CPZ: variants seen among roughly 807,000 people sequenced by gnomAD.
CPZ encodes the protein VEZT/CPZ fusion.
CPZ carries 103 observed loss-of-function variants against 61.8 expected under a neutral mutation model. The ratio of observed to expected loss-of-function variants is 1.67; its 90% CI spans 1.42 to 1.96. CPZ has a LOEUF of 1.96. Ranked by LOEUF, CPZ falls within the 30% of genes most tolerant of loss-of-function variation. The pLI is 0.00. For synonymous variants in CPZ, 551 were observed against 373.7 expected, an observed-to-expected ratio of 1.47 and a Z score of -5.47; for missense variants, 1,461 against 914.9, an observed-to-expected ratio of 1.60 and a Z score of -7.70.
chr4:8,618,850 A>G lies in CPZ; in HGVS notation c.1603+322A>G, dbSNP rs1031133226. 8.5e-5 allele frequency among the ~76,000 whole-genome samples: 13 copies of G among 152,274 alleles called. No individual in the cohort carries two copies. In the South Asian group the frequency reaches 2.1e-3, roughly 24 times the overall value. On this transcript the variant is annotated intron_variant, in intron 10 of 10. Coordinates refer to ENST00000360986, the MANE Select transcript of CPZ (RefSeq NM_001014447.3). ...CCCTAAGCCTGTTTGTTTCTATCCCAAAGTTCATACCCTGTTGATAGCTGG... is the reference window on the plus strand; with the variant it reads ...CCCTAAGCCTGTTTGTTTCTATCCCGAAGTTCATACCCTGTTGATAGCTGG...
At chr4:8,605,404 C>T (rs941820685) in intron 4 of CPZ, among the ~76,000 whole-genome samples, 19 of 151,246 alleles carry the variant, frequency 1.3e-4, no homozygotes, top group African/African-American at 4.4e-4. Flanking sequence ...ATTCATACAT[C>T]CATGCATCCA....
At chr4:8,593,493 C>T (rs939061180) in intron 1 of CPZ, among the ~76,000 whole-genome samples, 1 of 152,176 alleles carries the variant, frequency 6.6e-6, no homozygotes, top group Non-Finnish European at 1.5e-5. Flanking sequence ...CACGACCTCA[C>T]CCAAGGGGTG....
rs1716529789 is a variant in CPZ at position 8,619,749 on chromosome 4, C to T, written c.*132C>T. The T allele has an allele frequency of 2.7e-6, 2 of 742,400 alleles. No individual in the cohort carries two copies. The highest frequency in any genetic ancestry group is 3.6e-5 in the African/African-American group (2 of 55,784). 46.0% of individuals were successfully genotyped at this position (742,400 alleles called of 1,614,324 possible). A position where few individuals can be genotyped will look rare whatever the true frequency, so the allele number is the denominator to read the frequency against. ...CATTTTATTAAAGTGTTTTGATCCA[C>T]TTTGCACTGGAATGAGAGGATCTGT... On this transcript the variant is annotated 3_prime_UTR_variant, in exon 11 of 11. Transcript: ENST00000360986.
At chr4:8,608,600 AAGG>A (rs372047967) in intron 7 of CPZ, among the ~76,000 whole-genome samples, 179 of 150,646 alleles carry the variant, frequency 1.2e-3, no homozygotes, top group African/African-American at 4.2e-3. Flanking sequence ...AGAAACTGGC[AAGG>A]AGAAGACTGC....
chr4:8,595,651 C>A (rs1714124543), intron 1 of CPZ, among the ~76,000 whole-genome samples: 1 of 152,248 alleles, frequency 6.6e-6, no homozygotes, highest in Non-Finnish European at 1.5e-5. Flanking sequence ...CACAGCAGCA[C>A]CCACTGGGGC....
chr4:8,618,466 T>G lies in CPZ; in HGVS notation c.1541T>G (p.Phe514Cys), dbSNP rs767098162. The change falls in exon 10 of 11, where the codon TTC becomes TGC. Residue 514 changes from phenylalanine (F) to cysteine (C), a missense_variant. Transcript: ENST00000360986. ...ATCAAAGGTGTGGTGACAGATAAAT[T>G]CGGCAAGCCAGTCAAAAACGCCCGG... ...RGIKGVVTDK[F>C]GKPVKNARIS... 1 of 1,613,554 alleles carries G rather than the reference T, an allele frequency of 6.2e-7. No homozygotes were observed. Among genetic ancestry groups the G allele is most frequent in the Non-Finnish European group, 8.5e-7 (1 of 1,179,802 alleles).
intron 7 of CPZ, among the ~76,000 whole-genome samples, chr4:8,607,678 T>TGGGAGCTCCTGGGGTG (rs1715158702): frequency 2.6e-5 from 4 of 152,190 alleles, no homozygotes; most frequent in Admixed American, 2.6e-4. Context: ...TGTCCCCGTC[T>TGGGAGCTCCTGGGGTG]GGGAGCTCCT....
At chr4:8,607,726 A>G (rs2109328194) in intron 7 of CPZ, among the ~76,000 whole-genome samples, 1 of 152,048 alleles carries the variant, frequency 6.6e-6, no homozygotes, top group South Asian at 2.1e-4. Flanking sequence ...TGTTCCTTTG[A>G]GCTCCGCCCC....
At chr4:8,604,475 C>G (rs888707115) in intron 4 of CPZ, among the ~76,000 whole-genome samples, 3 of 152,132 alleles carry the variant, frequency 2.0e-5, no homozygotes, top group African/African-American at 4.8e-5. Context: ...ATAAAACAAA[C>G]AAGAAATTTT....
At chr4:8,597,439 G>C (rs1289821042) in intron 1 of CPZ, 2 of 152,206 alleles carry the variant, frequency 1.3e-5, no homozygotes, top group Non-Finnish European at 2.9e-5. Flanking sequence ...GGGACGCTCT[G>C]TCTGGACCAT....
At chr4:8,612,630 G>A (rs756235455) in intron 8 of CPZ, among the ~76,000 whole-genome samples, 9 of 152,216 alleles carry the variant, frequency 5.9e-5, no homozygotes, top group Non-Finnish European at 1.3e-4. Flanking sequence ...TCTGGAGCCC[G>A]ACTTGAAGCG....
rs548620624 is a variant in CPZ at position 8,617,163 on chromosome 4, C to T, written c.1504-1266C>T. Among the ~76,000 whole-genome samples the T allele has an allele frequency of 1.1e-3, 172 of 152,350 alleles. No homozygotes were observed. In the Middle Eastern group the frequency reaches 0.02, roughly 18 times the overall value. On this transcript the variant is annotated intron_variant, in intron 9 of 10. Coordinates refer to ENST00000360986, the MANE Select transcript of CPZ (RefSeq NM_001014447.3). ...GTGTCAGGCCAGTCGGTTTCTGCAT[C>T]GGTCACGGCGGGGGTCAGCCGCGGT... is the stretch of plus-strand genomic sequence containing the variant.
chr4:8,605,622 CCATCATTGATATATCCATT>C (rs921875846), intron 4 of CPZ, among the ~76,000 whole-genome samples: 2 of 132,310 alleles, frequency 1.5e-5, no homozygotes, highest in Admixed American at 7.2e-5. Flanking sequence ...ATCCATCCAT[CCATCATTGATATATCCATT>C]CATCCACTCA....
chr4:8,618,671 G>C (rs1224800799), intron 10 of CPZ, 143 bp downstream of exon 10: 18 of 758,208 alleles, frequency 2.4e-5, no homozygotes, highest in Non-Finnish European at 3.7e-5. Flanking sequence ...CTGGGTCGGG[G>C]AGGGTGGGCA....
chr4:8,612,093 A>T lies in CPZ; in HGVS notation c.1294A>T (p.Arg432Trp). The stretch of plus-strand genomic sequence containing the variant: ...CATGATGATGGACAGGTCGGAGAAT[A>T]GGTGTGGAGGCAATTTCCTGAAGAG... ...HPMMMDRSEN[R>W]CGGNFLKRGS... The change falls in exon 8 of 11, where the codon AGG becomes TGG. Residue 432 changes from arginine (R) to tryptophan (W), a missense_variant. By Grantham distance (101) the Arg-to-Trp change is moderately radical (BLOSUM62 -3). Coordinates refer to ENST00000360986, the MANE Select transcript of CPZ (RefSeq NM_001014447.3). The T allele has an allele frequency of 6.2e-7, 1 of 1,609,864 alleles. No individual in the cohort carries two copies. The highest frequency in any genetic ancestry group is 8.5e-7 in the Non-Finnish European group (1 of 1,178,020).
chr4:8,614,249 C>A, intron 8 of CPZ, 110 bp from the exon 9 acceptor site: 1 of 1,438,440 alleles, frequency 7.0e-7, no homozygotes, highest in Non-Finnish European at 9.4e-7. Flanking sequence ...TGTCTCTGCG[C>A]GGCTGACACC....
Position 8,606,051 on chromosome 4 carries a change from CTCA to C in CPZ, c.775_777del (p.Ile259del). 1 of 1,614,202 alleles carries C rather than the reference CTCA, an allele frequency of 6.2e-7. No homozygotes were observed. Among genetic ancestry groups the C allele is most frequent in the Non-Finnish European group, 8.5e-7 (1 of 1,180,028 alleles). ...CAACGAGGTGGCGGGCCGGGAGATG[CTCA>C]TCTACCTAGCCCAGTACCTGTGCTC... On this transcript the variant is annotated inframe_deletion, in exon 5 of 11. Coordinates refer to ENST00000360986, the MANE Select transcript of CPZ (RefSeq NM_001014447.3).
intron 9 of CPZ, among the ~76,000 whole-genome samples, chr4:8,616,934 T>A (rs1716222390): frequency 6.6e-6 from 1 of 152,202 alleles, no homozygotes; most frequent in Admixed American, 6.5e-5. Flanking sequence ...TCAGGAGGGC[T>A]GGGACCCCTT....
chr4:8,593,325 GT>G (rs1713938203), intron 1 of CPZ, among the ~76,000 whole-genome samples: 1 of 152,206 alleles, frequency 6.6e-6, no homozygotes, highest in Non-Finnish European at 1.5e-5. Context: ...TCTCTGGGCT[GT>G]GGCAAACTCT....
Sources: allele counts gnomAD v4.1 joint callset (sites outside exome capture counted in the v4.1 genomes callset), GRCh38; gene constraint gnomAD v4.1.1; transcripts MANE v1.5; gene names NCBI Gene and HGNC (gene_info 2026-07-23, HGNC 2026-07-21).